Variants in GRM5 observed in about 807,000 individuals in gnomAD.
GRM5 encodes the protein metabotropic glutamate receptor 5.
GRM5 carries 19 observed loss-of-function variants against 83.1 expected under a neutral mutation model. That is an observed-to-expected ratio of 0.23 (90% confidence interval 0.16 to 0.34). The LOEUF is 0.34. Ranked by LOEUF, GRM5 falls within the 10% of genes least tolerant of loss-of-function variation. The pLI is 1.00. For synonymous variants in GRM5, 675 were observed against 633.6 expected (o/e 1.07, Z -0.98); for missense variants, 1,160 against 1,588.3 (o/e 0.73, Z 4.58).
At chr11:89,063,601 G>A (rs1283623916) in intron 1 of GRM5, 2 of 152,314 alleles carry the variant, frequency 1.3e-5, no homozygotes, top group African/African-American at 2.4e-5. Context: ...CCCCCAAGAT[G>A]ATCTCAAGCT....
intron 2 of GRM5, among the ~76,000 whole-genome samples, chr11:88,900,028 A>T (rs1945290607): frequency 6.6e-6 from 1 of 152,092 alleles, no homozygotes; most frequent in Admixed American, 6.6e-5. Context: ...TCTCATATTA[A>T]TTATTTATTT....
At chr11:88,669,866 G>T (rs1940147911) in intron 3 of GRM5, among the ~76,000 whole-genome samples, 1 of 151,982 alleles carries the variant, frequency 6.6e-6, no homozygotes, top group African/African-American at 2.4e-5. Context: ...ATTACAGATG[G>T]ATTGTAATCT....
intron 4 of GRM5, 60 bp from the exon 5 acceptor site, chr11:88,605,024 G>C (rs1043220199): frequency 7.1e-7 from 1 of 1,403,030 alleles, no homozygotes; most frequent in Non-Finnish European, 1.0e-6. Flanking sequence ...CGACATTCCT[G>C]GGTACTGAAT....
chr11:89,063,879 C>A (rs1942049205), intron 1 of GRM5, among the ~76,000 whole-genome samples: 1 of 152,154 alleles, frequency 6.6e-6, no homozygotes, highest in Non-Finnish European at 1.5e-5. Flanking sequence ...GGCAAGGGAG[C>A]TGGAGGCACT....
chr11:89,064,174 C>T (rs8181510), intron 1 of GRM5, among the ~76,000 whole-genome samples: 1 of 152,152 alleles, frequency 6.6e-6, no homozygotes. Context: ...CCCTGACTAC[C>T]TAATCTTTAA....
intron 2 of GRM5, among the ~76,000 whole-genome samples, chr11:88,876,085 T>TA (rs1467648520): frequency 6.6e-6 from 1 of 152,110 alleles, no homozygotes; most frequent in Non-Finnish European, 1.5e-5. Context: ...ATGGAAGTCT[T>TA]AGATAGCATC....
chr11:89,028,580 A>G (rs1485259657), intron 2 of GRM5, among the ~76,000 whole-genome samples: 1 of 152,186 alleles, frequency 6.6e-6, no homozygotes, highest in South Asian at 2.1e-4. Context: ...GAGTGACAGA[A>G]TAAGACCTTG....
At chr11:88,779,895 T>C (rs1489157554) in intron 3 of GRM5, among the ~76,000 whole-genome samples, 2 of 152,162 alleles carry the variant, frequency 1.3e-5, no homozygotes, top group Admixed American at 1.3e-4. Context: ...TAGTCACTGG[T>C]CCCATTCCTT....
chr11:88,942,267 T>C (rs1462384051), intron 2 of GRM5, among the ~76,000 whole-genome samples: 1 of 152,096 alleles, frequency 6.6e-6, no homozygotes, highest in African/African-American at 2.4e-5. Context: ...ATTTATAGTG[T>C]ATTTTCAAAT....
chr11:88,716,223 G>T (rs1166523051), intron 3 of GRM5, among the ~76,000 whole-genome samples: 2 of 151,952 alleles, frequency 1.3e-5, no homozygotes, highest in Non-Finnish European at 2.9e-5. Context: ...TACTTGATAG[G>T]AAAGAGCATG....
chr11:88,792,077 G>C (rs932704817), intron 3 of GRM5, among the ~76,000 whole-genome samples: 1 of 152,058 alleles, frequency 6.6e-6, no homozygotes, highest in Non-Finnish European at 1.5e-5. Context: ...CCAGGAATAA[G>C]ACTCACTCTT....
At chr11:89,038,358 C>G (rs946988336) in intron 2 of GRM5, among the ~76,000 whole-genome samples, 49 of 152,142 alleles carry the variant, frequency 3.2e-4, no homozygotes, top group African/African-American at 9.2e-4. Context: ...AACCCACAAC[C>G]CTGATGAATT....
At chr11:88,997,334 A>T (rs1290574111) in intron 2 of GRM5, among the ~76,000 whole-genome samples, 5 of 19,734 alleles carry the variant, frequency 2.5e-4, no homozygotes, top group Non-Finnish European at 4.0e-4. Context: ...TCTCAAAATT[A>T]AAAAAAAAAA....
At chr11:88,952,379 G>A (rs796523275) in intron 2 of GRM5, among the ~76,000 whole-genome samples, 1 of 152,110 alleles carries the variant, frequency 6.6e-6, no homozygotes, top group Non-Finnish European at 1.5e-5. Flanking sequence ...CTGTTAATTG[G>A]TATGTCTCAT....
intron 7 of GRM5, among the ~76,000 whole-genome samples, chr11:88,578,508 A>G (rs767095323): frequency 5.3e-5 from 8 of 152,172 alleles, no homozygotes; most frequent in Non-Finnish European, 8.8e-5. Context: ...TATCATTGTG[A>G]AGAAGAACAT....
intron 2 of GRM5, among the ~76,000 whole-genome samples, chr11:89,022,416 G>T (rs1399280291): frequency 6.6e-6 from 1 of 151,654 alleles, no homozygotes; most frequent in Non-Finnish European, 1.5e-5. Flanking sequence ...GCCAAGGGGG[G>T]CAGGTCACAA....
Position 88,548,431 on chromosome 11 carries a change from A to G in GRM5, c.2630+18622T>C, listed in dbSNP as rs140454095. Among the ~76,000 whole-genome samples, 976 of 152,330 alleles carry G rather than the reference A, an allele frequency of 6.4e-3. 11 individuals are homozygous for G. Among genetic ancestry groups the G allele is most frequent in the African/African-American group, 0.019 (783 of 41,578 alleles). ...AGTAACAAATGAGGCCACTAACATC[A>G]CATGCAAATTAAAAAAATCCACTGT... On this transcript the variant is annotated intron_variant, in intron 8 of 9. Transcript: ENST00000305447.
At chr11:88,881,104 A>G (rs1378745267) in intron 2 of GRM5, among the ~76,000 whole-genome samples, 1 of 152,078 alleles carries the variant, frequency 6.6e-6, no homozygotes, top group Non-Finnish European at 1.5e-5. Context: ...AGTCAGGGGA[A>G]GGACATTAAG....
At chr11:88,514,204 T>C (rs1301233540) in intron 9 of GRM5, among the ~76,000 whole-genome samples, 1 of 152,114 alleles carries the variant, frequency 6.6e-6, no homozygotes, top group Non-Finnish European at 1.5e-5. Context: ...CATCTAATGT[T>C]CTCTCTGTTA....
Sources: allele counts gnomAD v4.1 joint callset (sites outside exome capture counted in the v4.1 genomes callset), GRCh38; gene constraint gnomAD v4.1.1; transcripts MANE v1.5; gene names NCBI Gene and HGNC (gene_info 2026-07-23, HGNC 2026-07-21).